The following AHCTF1 variants were observed in gnomAD, a reference collection of about 807,000 sequenced individuals.
AHCTF1 encodes protein ELYS.
In AHCTF1, 24 loss-of-function variants were observed where a neutral mutation model predicts 248.4. The observed-to-expected ratio is 0.10, with a 90% CI of 0.07 to 0.14. The LOEUF is 0.14. Ranked by LOEUF, AHCTF1 falls within the 10% of genes least tolerant of loss-of-function variation. AHCTF1 has a pLI of 1.00. For synonymous variants in AHCTF1, 786 were observed against 929.8 expected, an observed-to-expected ratio of 0.85 and a Z score of 2.81; for missense variants, 2,206 against 2,636.2, an observed-to-expected ratio of 0.84 and a Z score of 3.57.
chr1:246,887,419 T>C, intron 19 of AHCTF1, 62 bp from the exon 20 acceptor site: 4 of 1,465,924 alleles, frequency 2.7e-6, no homozygotes, highest in Non-Finnish European at 3.7e-6. Flanking sequence ...CGTATATATT[T>C]ACAATAGGTA....
chr1:246,890,174 G>A (rs1177848998), intron 16 of AHCTF1, 115 bp from the exon 17 acceptor site: 4 of 666,308 alleles, frequency 6.0e-6, no homozygotes, highest in Non-Finnish European at 1.0e-5. Flanking sequence ...TAACCCACAG[G>A]GTGGGTATAT....
chr1:246,922,250 C>T (rs1431090471), intron 1 of AHCTF1, among the ~76,000 whole-genome samples: 1 of 152,146 alleles, frequency 6.6e-6, no homozygotes, highest in Non-Finnish European at 1.5e-5. Context: ...GTCCCAGCTA[C>T]TCAGGAGGCT....
rs1452129467 is a variant in AHCTF1, at chr1:246,861,164, T to C, written c.3867A>G (p.Gln1289=). 2 of 1,613,714 alleles carry C rather than the reference T, an allele frequency of 1.2e-6. No individual in the cohort carries two copies. Among genetic ancestry groups the C allele is most frequent in the African/African-American group, 2.7e-5 (2 of 74,936 alleles). Residue 1289 remains glutamine (Q), a synonymous_variant, in exon 29 of 36, where the codon CAA becomes CAG. Coordinates refer to ENST00000648844, the MANE Select transcript of AHCTF1 (RefSeq NM_001323342.2). ...FFLNSPEKEH[Q]EMDEGSQSLE... is the part of the protein sequence containing the mutation. Reference sequence around the variant, plus strand: ...AACTTTGTGACCCCTCATCCATTTCTTGATGCTCCTTTTCAGGGCTGTTCA... The same window carrying C: ...AACTTTGTGACCCCTCATCCATTTCCTGATGCTCCTTTTCAGGGCTGTTCA...
chr1:246,848,209 TACA>T (rs1483178588), intron 33 of AHCTF1, among the ~76,000 whole-genome samples: 2 of 152,094 alleles, frequency 1.3e-5, no homozygotes, highest in Non-Finnish European at 2.9e-5. Context: ...ACTGTATCAG[TACA>T]ACAAGTCATC....
At chr1:246,888,085 A>G (rs1398694852) in intron 19 of AHCTF1, 92 bp downstream of exon 19, 6 of 1,409,194 alleles carry the variant, frequency 4.3e-6, no homozygotes, top group Non-Finnish European at 5.9e-6. Flanking sequence ...CCAAAATTCA[A>G]CCTTGCAATT....
intron 20 of AHCTF1, among the ~76,000 whole-genome samples, chr1:246,886,663 C>T (rs181308771): frequency 1.1e-4 from 16 of 152,016 alleles, no homozygotes; most frequent in East Asian, 1.9e-4. Flanking sequence ...CACAGAGGGC[C>T]GATGGTATAC....
chr1:246,876,387 G>C (rs958124159), intron 23 of AHCTF1, among the ~76,000 whole-genome samples, 200 bp from the exon 24 acceptor site: 1 of 151,772 alleles, frequency 6.6e-6, no homozygotes, highest in South Asian at 2.1e-4. Flanking sequence ...TCCAAATCTC[G>C]CTACCAAGCC....
intron 14 of AHCTF1, among the ~76,000 whole-genome samples, chr1:246,893,358 C>T (rs541296229): frequency 1.4e-3 from 217 of 152,300 alleles, no homozygotes; most frequent in African/African-American, 5.0e-3. Context: ...AAATCCTCTA[C>T]TAAGAATAAC....
At chr1:246,845,396 T>C (rs1660185106) in intron 33 of AHCTF1, among the ~76,000 whole-genome samples, 1 of 152,152 alleles carries the variant, frequency 6.6e-6, no homozygotes, top group Non-Finnish European at 1.5e-5. Flanking sequence ...TGATATCAGA[T>C]ATCAGAAATA....
intron 14 of AHCTF1, among the ~76,000 whole-genome samples, chr1:246,892,688 A>G (rs1308017773): frequency 6.6e-6 from 1 of 151,936 alleles, no homozygotes; most frequent in Admixed American, 6.6e-5. Context: ...CTGGAGTGCA[A>G]TGGTACGATC....
intron 14 of AHCTF1, among the ~76,000 whole-genome samples, chr1:246,894,344 G>A (rs1453301033): frequency 2.6e-5 from 4 of 152,190 alleles, no homozygotes; most frequent in African/African-American, 4.8e-5. Flanking sequence ...AGGCAGAGGC[G>A]GGCGGATCAC....
chr1:246,898,380 G>GATTTATTATC, intron 11 of AHCTF1, 44 bp from the exon 12 acceptor site: 3 of 1,543,894 alleles, frequency 1.9e-6, no homozygotes, highest in Non-Finnish European at 2.6e-6. Context: ...TGCTCAATTT[G>GATTTATTATC]AATAATCAAA....
intron 24 of AHCTF1, among the ~76,000 whole-genome samples, chr1:246,871,017 G>C (rs763088155): frequency 2.0e-5 from 3 of 152,138 alleles, no homozygotes; most frequent in African/African-American, 4.8e-5. Flanking sequence ...TCCCACTGTA[G>C]CCTTGCTTAA....
chr1:246,867,583 T>G, intron 25 of AHCTF1, 78 bp downstream of exon 25: 2 of 1,510,942 alleles, frequency 1.3e-6, no homozygotes, highest in African/African-American at 1.4e-5. Context: ...GCAAAGAGAG[T>G]GGATTGTTGA....
intron 27 of AHCTF1, among the ~76,000 whole-genome samples, chr1:246,862,446 C>G (rs981384500): frequency 2.0e-5 from 3 of 151,516 alleles, no homozygotes; most frequent in African/African-American, 7.3e-5. Flanking sequence ...CGCCACTGCA[C>G]TCCAGCCTGG....
chr1:246,927,710 A>C (rs1667038775), intron 1 of AHCTF1, among the ~76,000 whole-genome samples: 1 of 152,234 alleles, frequency 6.6e-6, no homozygotes, highest in Admixed American at 6.5e-5. Flanking sequence ...CTTTGAATGA[A>C]GATACTGTTC....
chr1:246,922,335 G>A (rs546982841), intron 1 of AHCTF1, among the ~76,000 whole-genome samples: 2 of 152,100 alleles, frequency 1.3e-5, no homozygotes, highest in Non-Finnish European at 2.9e-5. Context: ...ACTCCAGCGC[G>A]GGTGACAGAG....
chr1:246,900,483 A>G lies in AHCTF1; in HGVS notation c.1118-14T>C. 1.9e-6 allele frequency: 3 copies of G among 1,580,864 alleles called. No individual in the cohort carries two copies. Among genetic ancestry groups the G allele is most frequent in the Non-Finnish European group, 2.6e-6 (3 of 1,172,694 alleles). ...CAGGCGATAGAGCTGGAAGAAAAAG[A>G]TAATTTTTAAAAACAGAATAAAGAA... On this transcript the variant is annotated splice_polypyrimidine_tract_variant and intron_variant, in intron 8 of 35. Coordinates refer to ENST00000648844, the MANE Select transcript of AHCTF1 (RefSeq NM_001323342.2).
chr1:246,931,480 C>G, intron 1 of AHCTF1, 98 bp downstream of exon 1: 1 of 98,420 alleles, frequency 1.0e-5, no homozygotes, highest in Non-Finnish European at 1.2e-5. Context: ...GCAGAAGCCC[C>G]GCCGCCGCCG....
Sources: allele counts gnomAD v4.1 joint callset (sites outside exome capture counted in the v4.1 genomes callset), GRCh38; gene constraint gnomAD v4.1.1; transcripts MANE v1.5; gene names NCBI Gene and HGNC (gene_info 2026-07-23, HGNC 2026-07-21).